The following ZNF320 variants were observed in gnomAD, a reference collection of about 807,000 sequenced individuals.
The protein encoded by ZNF320 is zinc finger gene 320.
ZNF320 carries 2 observed loss-of-function variants against 6.8 expected under a neutral mutation model. The observed-to-expected ratio is 0.29, with a 90% CI of 0.12 to 0.93. The LOEUF (loss-of-function observed/expected upper bound fraction) is 0.93, where lower values mean the gene tolerates loss of function less well. ZNF320 is among the 40% of genes least tolerant of loss of function. The probability of loss-of-function intolerance (pLI) is 0.55; values close to 1 mark genes in which losing one functional copy is unlikely to be tolerated. For synonymous variants in ZNF320, 208 were observed against 203.2 expected (o/e 1.02, Z -0.20); for missense variants, 472 against 611.0 (o/e 0.77, Z 2.40).
chr19:52,861,314 C>T (rs1284188931), exon 6 of ZNF320, among the ~76,000 whole-genome samples: 4 of 152,028 alleles, frequency 2.6e-5, no homozygotes, highest in African/African-American at 7.2e-5. Context: ...AGAGGTGAGA[C>T]GTTTGTACCT....
upstream of ZNF320, among the ~76,000 whole-genome samples, chr19:52,900,494 C>T (rs2064567848): frequency 6.6e-6 from 1 of 152,164 alleles, no homozygotes; most frequent in Non-Finnish European, 1.5e-5. Context: ...AGTTCTTCTA[C>T]AAACATAACA....
chr19:52,873,226 G>T (rs567407001), downstream of ZNF320, among the ~76,000 whole-genome samples: 10 of 152,320 alleles, frequency 6.6e-5, no homozygotes, highest in African/African-American at 2.4e-4. Context: ...GGACCTGTAA[G>T]GTCTTTCCCT....
chr19:52,877,389 C>T lies in ZNF320; in HGVS notation c.*3207G>A, dbSNP rs1483294939. On this transcript the variant is annotated 3_prime_UTR_variant, in exon 6 of 6. Coordinates refer to ENST00000682928, the MANE Select transcript of ZNF320 (RefSeq NM_001351774.2). ...TCTTTGATCAGCCTTTCACTAAATA[C>T]ACAATTTATATGTGAGCAGGGAGGA... 1 of 152,158 alleles carries T rather than the reference C, an allele frequency of 6.6e-6. No individual in the cohort carries two copies. Among genetic ancestry groups the T allele is most frequent in the Non-Finnish European group, 1.5e-5 (1 of 68,030 alleles). The allele number at this position is 152,158 out of a possible 1,614,324, so 9.4% of individuals were successfully genotyped here. A position where few individuals can be genotyped will look rare whatever the true frequency, so the allele number is the denominator to read the frequency against.
rs1158564306 is a variant in ZNF320 at position 52,877,265 on chromosome 19, A to C, written c.*3331T>G. ...ACATTTTACAGACACACGAGACAGC[A>C]ATCAGTACATATATACATTGGTCCG... On this transcript the variant is annotated 3_prime_UTR_variant, in exon 6 of 6. Coordinates refer to ENST00000682928, the MANE Select transcript of ZNF320 (RefSeq NM_001351774.2). The C allele has an allele frequency of 6.6e-6, 1 of 152,230 alleles. No individual in the cohort carries two copies. The highest frequency in any genetic ancestry group is 1.5e-5 in the Non-Finnish European group (1 of 68,068). The allele number at this position is 152,230 out of a possible 1,614,324, so 9.4% of individuals were successfully genotyped here. A position where few individuals can be genotyped will look rare whatever the true frequency, so the allele number is the denominator to read the frequency against.
At chr19:52,869,985 G>A (rs528351572) in intron 5 of ZNF320, among the ~76,000 whole-genome samples, 3 of 151,820 alleles carry the variant, frequency 2.0e-5, no homozygotes. Context: ...CAAAGTGCTG[G>A]GATTACAGGT....
At chr19:52,868,864 C>T (rs968790448) in intron 5 of ZNF320, among the ~76,000 whole-genome samples, 3 of 152,238 alleles carry the variant, frequency 2.0e-5, no homozygotes. Context: ...CCTGCACACA[C>T]TGATTTAGGC....
chr19:52,887,008 A>AGGAAGGAAGG (rs1555821347), intron 5 of ZNF320, among the ~76,000 whole-genome samples: 4 of 106,942 alleles, frequency 3.7e-5, no homozygotes, highest in South Asian at 5.5e-4. Flanking sequence ...GAAGGAAGGA[A>AGGAAGGAAGG]AAGAAAAAAC....
At chr19:52,867,186 A>T in intron 5 of ZNF320, among the ~76,000 whole-genome samples, 1 of 151,726 alleles carries the variant, frequency 6.6e-6, no homozygotes, top group African/African-American at 2.4e-5. Flanking sequence ...TAATTAATTA[A>T]TTAATTTATT....
At chr19:52,883,516 C>A in intron 5 of ZNF320, 1 of 408,080 alleles carries the variant, frequency 2.5e-6, no homozygotes, top group Non-Finnish European at 4.9e-6. Flanking sequence ...TAGTTACCAC[C>A]CGTACACAAC....
At chr19:52,904,245 T>C in the ZNF320 span, among the ~76,000 whole-genome samples, 25 of 152,194 alleles carry the variant, frequency 1.6e-4, no homozygotes, top group African/African-American at 5.8e-4. Flanking sequence ...GGAGCGCTCT[T>C]TGGATCGTGT....
intron 5 of ZNF320, among the ~76,000 whole-genome samples, chr19:52,883,021 T>C (rs1367483255): frequency 6.6e-6 from 1 of 152,068 alleles, no homozygotes; most frequent in Non-Finnish European, 1.5e-5. Context: ...AACAGGCATG[T>C]TGTAACTTAA....
rs1600649402 is a variant in ZNF320 at position 52,891,207 on chromosome 19, T to A, written c.-74+22A>T. On this transcript the variant is annotated intron_variant, in intron 3 of 5. Transcript: ENST00000682928. ...ACTACAAATACAAAAATTAGCCAGG[T>A]ATGGTGGCGGGTGGCACGCACCTGT... is the stretch of plus-strand genomic sequence containing the variant. The A allele has an allele frequency of 2.0e-5, 3 of 151,934 alleles. No individual in the cohort carries two copies. The South Asian group carries it at 6.2e-4, about 32-fold the overall frequency. The allele number at this position is 151,934 out of a possible 1,614,324, so 9.4% of individuals were successfully genotyped here.
intron 2 of ZNF320, among the ~76,000 whole-genome samples, chr19:52,891,592 G>A (rs1406809586): frequency 2.6e-5 from 4 of 152,110 alleles, no homozygotes; most frequent in Admixed American, 1.3e-4. Flanking sequence ...AAAGAGATAA[G>A]CAAATGTGAC....
At chr19:52,862,445 T>C in exon 6 of ZNF320, 2 of 408,710 alleles carry the variant, frequency 4.9e-6, no homozygotes. Flanking sequence ...ATGAGTTCAC[T>C]GATGAACTGC....
chr19:52,863,093 G>A (rs2063495292), exon 6 of ZNF320, among the ~76,000 whole-genome samples: 1 of 152,090 alleles, frequency 6.6e-6, no homozygotes, highest in Non-Finnish European at 1.5e-5. Context: ...TCGAGTAGCT[G>A]GGACTGCAGG....
chr19:52,867,701 T>C (rs1218954625), intron 5 of ZNF320, among the ~76,000 whole-genome samples: 1 of 152,110 alleles, frequency 6.6e-6, no homozygotes, highest in Non-Finnish European at 1.5e-5. Flanking sequence ...AACATCCGCC[T>C]CCTGGGTTCA....
the ZNF320 span, among the ~76,000 whole-genome samples, chr19:52,904,252 G>A: frequency 5.3e-5 from 8 of 152,216 alleles, no homozygotes; most frequent in Non-Finnish European, 1.2e-4. Context: ...TCTTTGGATC[G>A]TGTCACTCAG....
chr19:52,865,470 T>TATG lies in ZNF320; in HGVS notation c.224-1312_224-1311insCAT, dbSNP rs1414636050. 4.1e-3 allele frequency: 165 copies of TATG among 40,336 alleles called. 8 individuals carry two copies. The highest frequency in any genetic ancestry group is 0.016 in the African/African-American group (149 of 9,406). The allele number at this position is 40,336 out of a possible 1,614,324, so 2.5% of individuals were successfully genotyped here. A position where few individuals can be genotyped will look rare whatever the true frequency, so the allele number is the denominator to read the frequency against. Reference sequence around the variant, plus strand: ...TATATATGTAATACATATATATATATTACATATATATATAATACATATATA... The same window carrying TATG: ...TATATATGTAATACATATATATATATATGTACATATATATATAATACATATATA... On this transcript the variant is annotated intron_variant, in intron 5 of 5. Transcript: ENST00000673631.
chr19:52,874,982 G>C (rs1281313582), downstream of ZNF320, among the ~76,000 whole-genome samples: 5 of 152,096 alleles, frequency 3.3e-5, no homozygotes, highest in African/African-American at 1.2e-4. Context: ...TGAAGTCAGA[G>C]GGGTCCTGGG....
Sources: gnomAD v4.1 joint callset for allele counts (sites outside exome capture counted in the v4.1 genomes callset) on GRCh38, gnomAD v4.1.1 for gene constraint, MANE v1.5 for transcripts, NCBI Gene and HGNC (gene_info 2026-07-23, HGNC 2026-07-21) for gene names.